RASA1: variants seen among roughly 807,000 people sequenced by gnomAD.
RASA1 encodes ras GTPase-activating protein 1.
RASA1 carries 25 observed loss-of-function variants against 132.2 expected under a neutral mutation model. That is an observed-to-expected ratio of 0.19 (90% CI 0.14 to 0.26). The LOEUF (loss-of-function observed/expected upper bound fraction) is 0.26. Ranked by LOEUF, RASA1 falls within the 10% of genes least tolerant of loss-of-function variation. The probability of loss-of-function intolerance (pLI) is 1.00; values close to 1 mark genes in which losing one functional copy is unlikely to be tolerated. For synonymous variants in RASA1, 477 were observed against 449.9 expected (o/e 1.06, Z -0.76); for missense variants, 964 against 1,299.2 (o/e 0.74, Z 3.97).
In RASA1 at chr5:87,381,915, C is replaced by A. The variant is rs114013246; in HGVS notation, c.2690+1320C>A. ...TCACAATATTTTCAAGTAAAGTTTA[C>A]AAGATTCTTTAAATTTGGGAAGTCC... On this transcript the variant is annotated intron_variant, in intron 20 of 24. Coordinates refer to ENST00000274376, the MANE Select transcript of RASA1 (RefSeq NM_002890.3). Among the ~76,000 whole-genome samples, 1,150 of 152,246 alleles carry A rather than the reference C, an allele frequency of 7.6e-3. 21 individuals carry two copies. Among genetic ancestry groups the A allele is most frequent in the African/African-American group, 0.027 (1,106 of 41,546 alleles).
At chr5:87,380,175 T>C (rs996838931) in intron 19 of RASA1, among the ~76,000 whole-genome samples, 19 of 152,156 alleles carry the variant, frequency 1.2e-4, no homozygotes, top group South Asian at 4.1e-4. Flanking sequence ...ACTCTGTTAA[T>C]ATGCTTGTCG....
chr5:87,363,607 G>A (rs1760278123), intron 11 of RASA1, 103 bp downstream of exon 11: 6 of 1,300,976 alleles, frequency 4.6e-6, no homozygotes, highest in Non-Finnish European at 6.6e-6. Flanking sequence ...TCTTCTAAAA[G>A]TAGCAGATGC....
chr5:87,346,515 T>A (rs1758871257), intron 6 of RASA1, among the ~76,000 whole-genome samples, 157 bp from the exon 7 acceptor site: 1 of 151,960 alleles, frequency 6.6e-6, no homozygotes, highest in East Asian at 1.9e-4. Context: ...AATATGTATA[T>A]AAAATGTATT....
chr5:87,385,619 A>T (rs968045484), intron 22 of RASA1, among the ~76,000 whole-genome samples: 7 of 152,138 alleles, frequency 4.6e-5, no homozygotes, highest in Admixed American at 3.3e-4. Flanking sequence ...TTCAAGGTCC[A>T]GTGTACTCAA....
intron 3 of RASA1, 127 bp downstream of exon 3, chr5:87,332,769 G>A (rs1026960126): frequency 1.1e-4 from 101 of 959,528 alleles, no homozygotes; most frequent in African/African-American, 4.3e-4. Context: ...ATTTTAATTC[G>A]GGTTATAATG....
rs137975356 is a variant in RASA1, at chr5:87,306,489, C to T, written c.540-24859C>T. Among the ~76,000 whole-genome samples the T allele has an allele frequency of 2.8e-3, 418 of 151,870 alleles. 5 individuals carry two copies. The highest frequency in any genetic ancestry group is 8.2e-3 in the East Asian group (42 of 5,148). ...GTGGAGGGTGGTAGGAGGGAGAGGA[C>T]CAGGAAAAATGACTAATAGGTACCA... On this transcript the variant is annotated intron_variant, in intron 1 of 24. Transcript: ENST00000274376.
At chr5:87,328,533 C>T (rs1435109483) in intron 1 of RASA1, among the ~76,000 whole-genome samples, 2 of 151,990 alleles carry the variant, frequency 1.3e-5, no homozygotes, top group African/African-American at 4.8e-5. Flanking sequence ...ATAACCACTC[C>T]CAAAGTGTTC....
In RASA1 at chr5:87,304,816, A is replaced by G. The variant is rs139879342; in HGVS notation, c.540-26532A>G. Among the ~76,000 whole-genome samples, 255 of 151,756 alleles carry G rather than the reference A, an allele frequency of 1.7e-3. 1 individual carries two copies. Among genetic ancestry groups the G allele is most frequent in the Middle Eastern group, 6.8e-3 (2 of 294 alleles). On this transcript the variant is annotated intron_variant, in intron 1 of 24. Transcript: ENST00000274376. ...TAGATATTACTGCTTTGTACAGTCA[A>G]TGTTTGTTTACACATGTATTTACTC...
chr5:87,345,804 T>C (rs2112412173), intron 6 of RASA1, among the ~76,000 whole-genome samples: 1 of 152,232 alleles, frequency 6.6e-6, no homozygotes, highest in South Asian at 2.1e-4. Context: ...CTCTTTATTA[T>C]TAAAAATACT....
In RASA1 at chr5:87,374,873, A is replaced by T. The variant is rs370819852; in HGVS notation, c.1968A>T (p.Ile656=). 90 of 1,609,540 alleles carry T rather than the reference A, an allele frequency of 5.6e-5. 1 individual carries two copies. The East Asian group carries it at 6.3e-4, about 11-fold the overall frequency. Residue 656 remains isoleucine (I), a synonymous_variant, in exon 15 of 25, where the codon ATA becomes ATT. Coordinates refer to ENST00000274376, the MANE Select transcript of RASA1 (RefSeq NM_002890.3). The part of the protein sequence containing the change: ...DLPPDINRFE[I]TLSNKTKKSK... ...CTCCTGACATCAATAGATTTGAAAT[A>T]ACTCTTAGTAATAAAACAAAGAAAA...
At chr5:87,325,358 T>G (rs1580265703) in intron 1 of RASA1, among the ~76,000 whole-genome samples, 1 of 152,194 alleles carries the variant, frequency 6.6e-6, no homozygotes, top group Non-Finnish European at 1.5e-5. Flanking sequence ...CCAAACCATA[T>G]CACAGACAGT....
chr5:87,278,243 G>A (rs574881465), intron 1 of RASA1, among the ~76,000 whole-genome samples: 1 of 152,040 alleles, frequency 6.6e-6, no homozygotes, highest in East Asian at 1.9e-4. Flanking sequence ...TTCATATGCA[G>A]TTTTAAGAAA....
intron 1 of RASA1, among the ~76,000 whole-genome samples, chr5:87,277,085 A>G (rs1206328294): frequency 6.6e-6 from 1 of 152,160 alleles, no homozygotes; most frequent in African/African-American, 2.4e-5. Context: ...GGTACTTTAT[A>G]TAGATTATCT....
intron 6 of RASA1, among the ~76,000 whole-genome samples, chr5:87,342,449 G>A (rs1434912991): frequency 4.0e-4 from 61 of 152,292 alleles, no homozygotes; most frequent in Non-Finnish European, 1.5e-5. Flanking sequence ...ATGAGCCACT[G>A]TGCCCAGCTA....
At chr5:87,294,846 G>C (rs932909930) in intron 1 of RASA1, among the ~76,000 whole-genome samples, 1 of 152,198 alleles carries the variant, frequency 6.6e-6, no homozygotes, top group Non-Finnish European at 1.5e-5. Context: ...GTAGTCTATA[G>C]ATGTCAGTTA....
At chr5:87,279,360 T>TA (rs1754211583) in intron 1 of RASA1, among the ~76,000 whole-genome samples, 1 of 152,228 alleles carries the variant, frequency 6.6e-6, no homozygotes, top group Non-Finnish European at 1.5e-5. Context: ...TGCTGAATAG[T>TA]AGTCCATGGT....
At chr5:87,333,157 C>A (rs980888337) in intron 3 of RASA1, 110 bp from the exon 4 acceptor site, 2 of 1,469,274 alleles carry the variant, frequency 1.4e-6, no homozygotes, top group Non-Finnish European at 1.8e-6. Flanking sequence ...TTTGAATGAT[C>A]CCATGGAGTT....
At chr5:87,335,698 T>G (rs1249735627) in intron 4 of RASA1, among the ~76,000 whole-genome samples, 1 of 152,180 alleles carries the variant, frequency 6.6e-6, no homozygotes, top group Admixed American at 6.5e-5. Flanking sequence ...AGTGCTGGGA[T>G]TGCAGGCATG....
intron 11 of RASA1, 115 bp downstream of exon 11, chr5:87,363,619 C>A: frequency 8.3e-7 from 1 of 1,198,574 alleles, no homozygotes; most frequent in African/African-American, 1.5e-5. Context: ...AGCAGATGCA[C>A]TTTCTAGGTA....
Sources: allele counts gnomAD v4.1 joint callset (sites outside exome capture counted in the v4.1 genomes callset), GRCh38; gene constraint gnomAD v4.1.1; transcripts MANE v1.5; gene names NCBI Gene and HGNC (gene_info 2026-07-23, HGNC 2026-07-21).